TTC28: variants seen among roughly 807,000 people sequenced by gnomAD.
The protein encoded by TTC28 is tetratricopeptide repeat protein 28.
In TTC28, 61 loss-of-function variants were observed where a neutral mutation model predicts 198.0. That is an observed-to-expected ratio of 0.31 (90% CI 0.25 to 0.38). The LOEUF (loss-of-function observed/expected upper bound fraction) is 0.38. Among genes scored for constraint, TTC28 ranks in the 10% least tolerant of loss-of-function variants. The probability of loss-of-function intolerance (pLI) is 1.00; values close to 1 mark genes in which losing one functional copy is unlikely to be tolerated. For missense variants in TTC28, 2,678 were observed against 3,164.0 expected (o/e 0.85, Z 3.69); for synonymous variants, 1,171 against 1,297.8 (o/e 0.90, Z 2.10).
chr22:28,276,786 A>C (rs1209275322), intron 5 of TTC28, among the ~76,000 whole-genome samples: 1 of 152,214 alleles, frequency 6.6e-6, no homozygotes, highest in African/African-American at 2.4e-5. Flanking sequence ...ACCAAAGTCT[A>C]TGTGATCTTA....
chr22:28,480,316 G>T (rs1214706697), intron 2 of TTC28, among the ~76,000 whole-genome samples: 1 of 151,996 alleles, frequency 6.6e-6, no homozygotes. Flanking sequence ...TAGATCCTAA[G>T]GTTCCATGCC....
At chr22:28,101,350 A>AG in intron 8 of TTC28, 70 bp from the exon 9 acceptor site, 1 of 1,273,218 alleles carries the variant, frequency 7.9e-7, no homozygotes. Context: ...GGAGTCCTGA[A>AG]GGGTCATTTT....
At chr22:28,164,267 GTCC>G (rs755237155) in intron 5 of TTC28, among the ~76,000 whole-genome samples, 10 of 152,172 alleles carry the variant, frequency 6.6e-5, no homozygotes, top group Non-Finnish European at 1.2e-4. Context: ...AGACTTAAAT[GTCC>G]CTGTCTGACA....
Position 27,992,648 on chromosome 22 carries a change from G to A in TTC28, c.5492C>T (p.Ala1831Val). ...LQSLLGLPNP[A>V]LQALCKLITA... ...GATGAGTTTGCAAAGGGCTTGGAGGGCAGGATTGGGCAGACCTAAACCAAG... is the reference window on the plus strand; with the variant it reads ...GATGAGTTTGCAAAGGGCTTGGAGGACAGGATTGGGCAGACCTAAACCAAG... The change falls in exon 19 of 23, where the codon GCC becomes GTC. Residue 1831 changes from alanine to valine, a missense_variant. Transcript: ENST00000397906. 6.4e-7 allele frequency: 1 copy of A among 1,551,660 alleles called. No individual in the cohort carries two copies. The highest frequency in any genetic ancestry group is 8.7e-7 in the Non-Finnish European group (1 of 1,146,986).
At chr22:28,069,967 C>CACAA in intron 12 of TTC28, among the ~76,000 whole-genome samples, 1 of 144,870 alleles carries the variant, frequency 6.9e-6, no homozygotes, top group East Asian at 2.0e-4. Flanking sequence ...CACACACACA[C>CACAA]AAATGCCCCT....
chr22:28,329,375 A>ATAG (rs1271087953), intron 2 of TTC28, among the ~76,000 whole-genome samples: 4 of 141,546 alleles, frequency 2.8e-5, no homozygotes, highest in South Asian at 4.5e-4. Flanking sequence ...CGTACTTTAA[A>ATAG]TAGTCACATC....
chr22:28,250,029 C>T (rs931639240), intron 5 of TTC28, among the ~76,000 whole-genome samples: 2 of 152,184 alleles, frequency 1.3e-5, no homozygotes, highest in Admixed American at 6.5e-5. Flanking sequence ...TAATTCTACA[C>T]ATTAGAGAGG....
intron 5 of TTC28, among the ~76,000 whole-genome samples, chr22:28,245,118 G>C (rs959964840): frequency 2.0e-5 from 3 of 152,180 alleles, no homozygotes; most frequent in Non-Finnish European, 4.4e-5. Flanking sequence ...GTGGAGAGTT[G>C]TTTTTCAGAA....
intron 2 of TTC28, among the ~76,000 whole-genome samples, chr22:28,563,626 G>A (rs2049925585): frequency 6.6e-6 from 1 of 152,126 alleles, no homozygotes; most frequent in Non-Finnish European, 1.5e-5. Context: ...CTACTAGACT[G>A]ACTATAATTT....
In TTC28 at chr22:27,983,252, A is replaced by G; in HGVS notation, c.6415T>C (p.Ser2139Pro). Reference protein sequence around the residue: ...ASSDTGESDQSSTETDSTVKS... With the variant: ...ASSDTGESDQPSTETDSTVKS... ...ACGGTACTGTCCGTTTCTGTGCTAG[A>G]CTGGTCTGATTCTCCTGTATCTGAG... Residue 2139 changes from serine to proline, a missense_variant, in exon 23 of 23, where the codon TCT becomes CCT. Ser to Pro is a moderately conservative substitution (Grantham distance 74, BLOSUM62 -1). Coordinates refer to ENST00000397906, the MANE Select transcript of TTC28 (RefSeq NM_001145418.2). 2 of 1,551,296 alleles carry G rather than the reference A, an allele frequency of 1.3e-6. No homozygotes were observed. The highest frequency in any genetic ancestry group is 8.7e-7 in the Non-Finnish European group (1 of 1,146,894).
chr22:28,478,338 C>A (rs936673719), intron 2 of TTC28, among the ~76,000 whole-genome samples: 6 of 151,914 alleles, frequency 3.9e-5, no homozygotes, highest in Non-Finnish European at 5.9e-5. Flanking sequence ...CGAAACCCCA[C>A]CTCTACTAAA....
chr22:28,338,809 T>C (rs1446475999), intron 2 of TTC28, among the ~76,000 whole-genome samples: 1 of 152,228 alleles, frequency 6.6e-6, no homozygotes, highest in South Asian at 2.1e-4. Context: ...TCAGAGTAGT[T>C]TGATCATCTG....
intron 6 of TTC28, among the ~76,000 whole-genome samples, chr22:28,151,917 A>T (rs1213085728): frequency 6.6e-6 from 1 of 152,190 alleles, no homozygotes; most frequent in African/African-American, 2.4e-5. Flanking sequence ...CAAGGGCATT[A>T]TTAGACTTTG....
At chr22:28,167,725 C>G (rs975583150) in intron 5 of TTC28, among the ~76,000 whole-genome samples, 1 of 152,026 alleles carries the variant, frequency 6.6e-6, no homozygotes, top group African/African-American at 2.4e-5. Flanking sequence ...TACTGAATGG[C>G]CAAAAACTGG....
chr22:28,050,625 A>G (rs1034889668), intron 12 of TTC28, among the ~76,000 whole-genome samples: 2 of 152,196 alleles, frequency 1.3e-5, no homozygotes, highest in Non-Finnish European at 2.9e-5. Flanking sequence ...GCTGTTAGAG[A>G]GACCTGCCTG....
intron 2 of TTC28, among the ~76,000 whole-genome samples, chr22:28,473,470 C>T (rs2048124254): frequency 6.6e-6 from 1 of 152,158 alleles, no homozygotes; most frequent in Non-Finnish European, 1.5e-5. Context: ...ATGGCAATAA[C>T]TGGAAGTTAC....
intron 21 of TTC28, among the ~76,000 whole-genome samples, chr22:27,986,593 C>T (rs545881962): frequency 6.6e-6 from 1 of 152,188 alleles, no homozygotes; most frequent in Non-Finnish European, 1.5e-5. Context: ...TACGATGCCA[C>T]ACCCTCTCCT....
At chr22:28,337,442 T>C (rs899489821) in intron 2 of TTC28, among the ~76,000 whole-genome samples, 7 of 152,198 alleles carry the variant, frequency 4.6e-5, no homozygotes, top group African/African-American at 1.7e-4. Flanking sequence ...CAGTGGGGTG[T>C]TAAAATCTCC....
intron 8 of TTC28, among the ~76,000 whole-genome samples, chr22:28,102,649 G>C (rs548530355): frequency 2.6e-5 from 4 of 152,266 alleles, no homozygotes; most frequent in Admixed American, 2.6e-4. Flanking sequence ...TCTAATTCAG[G>C]GTAGATGGAA....
Sources: gnomAD v4.1 joint callset for allele counts (sites outside exome capture counted in the v4.1 genomes callset) on GRCh38, gnomAD v4.1.1 for gene constraint, MANE v1.5 for transcripts, NCBI Gene and HGNC (gene_info 2026-07-23, HGNC 2026-07-21) for gene names.